Variants in MYLK observed in about 807,000 individuals in gnomAD.
MYLK encodes myosin light chain kinase, smooth muscle.
In MYLK, 106 loss-of-function variants were observed where a neutral mutation model predicts 203.4. The observed-to-expected ratio is 0.52, with a 90% CI of 0.45 to 0.61. The LOEUF is 0.61. MYLK is among the 20% of genes least tolerant of loss of function. The pLI, the probability that MYLK is intolerant of heterozygous loss-of-function variation, is 0.00. For missense variants in MYLK, 2,072 were observed against 2,442.3 expected (o/e 0.85, Z 3.20); for synonymous variants, 867 against 959.5 (o/e 0.90, Z 1.78).
At chr3:123,620,484 G>A (rs1425758590) in intron 31 of MYLK, 148 bp from the exon 32 acceptor site, 9 of 1,558,498 alleles carry the variant, frequency 5.8e-6, no homozygotes, top group Non-Finnish European at 6.1e-6. Context: ...TCTGCCAGAG[G>A]AGCGAACCCA....
chr3:123,754,103 C>G (rs1230358038), intron 4 of MYLK, among the ~76,000 whole-genome samples: 2 of 152,200 alleles, frequency 1.3e-5, no homozygotes, highest in East Asian at 1.9e-4. Context: ...CTAAAAAGCG[C>G]CGGTCGTTGT....
chr3:123,873,333 A>G (rs924249910), intron 2 of MYLK, among the ~76,000 whole-genome samples: 2 of 152,130 alleles, frequency 1.3e-5, no homozygotes, highest in East Asian at 3.9e-4. Context: ...CCTATGACTA[A>G]TATCATACAA....
intron 4 of MYLK, among the ~76,000 whole-genome samples, chr3:123,762,032 A>T (rs1471854611): frequency 6.6e-6 from 1 of 152,024 alleles, no homozygotes; most frequent in African/African-American, 2.4e-5. Context: ...CGCCTCAAAA[A>T]ATATATATAT....
At chr3:123,734,891 C>T in intron 9 of MYLK, 1 of 194,198 alleles carries the variant, frequency 5.1e-6, no homozygotes, top group Non-Finnish European at 1.1e-5. Context: ...AATGGCTTCC[C>T]TGCCCCTCTA....
chr3:123,833,559 T>C (rs978534681), intron 2 of MYLK, among the ~76,000 whole-genome samples: 2 of 152,124 alleles, frequency 1.3e-5, no homozygotes, highest in African/African-American at 4.8e-5. Context: ...GGGTGCTCTG[T>C]CATTTCCATT....
At chr3:123,721,005 A>C (rs969286555) in intron 13 of MYLK, among the ~76,000 whole-genome samples, 4 of 152,216 alleles carry the variant, frequency 2.6e-5, no homozygotes, top group African/African-American at 9.6e-5. Flanking sequence ...GCGCTTAGGC[A>C]AGTTACATTC....
rs976553681 is a variant in MYLK at position 123,650,539 on chromosome 3, T to A, written c.4289-1345A>T. Among the ~76,000 whole-genome samples the A allele has an allele frequency of 2.2e-4, 33 of 152,118 alleles. 1 individual carries two copies. Among genetic ancestry groups the A allele is most frequent in the South Asian group, 1.0e-3 (5 of 4,822 alleles). Reference sequence around the variant, plus strand: ...TGCTGCTGACAAAGCTTAGTTTTTTTAAAAAAAGACTAAAACTAAACATGA... The same window carrying A: ...TGCTGCTGACAAAGCTTAGTTTTTTAAAAAAAAGACTAAAACTAAACATGA... On this transcript the variant is annotated intron_variant, in intron 24 of 33. Transcript: ENST00000360304.
chr3:123,685,400 G>C (rs820370), intron 19 of MYLK, among the ~76,000 whole-genome samples: 131,627 of 152,074 alleles, frequency 0.87, 59,812 homozygotes, highest in Non-Finnish European at 1. Context: ...CAAGACCAGC[G>C]TGGGCAACAT....
intron 4 of MYLK, among the ~76,000 whole-genome samples, chr3:123,769,129 C>G (rs996769986): frequency 4.6e-5 from 7 of 151,752 alleles, no homozygotes; most frequent in African/African-American, 1.7e-4. Context: ...CATCACCTTC[C>G]ACATTTCTCT....
intron 21 of MYLK, among the ~76,000 whole-genome samples, chr3:123,666,725 A>C (rs1403595717): frequency 6.6e-6 from 1 of 152,212 alleles, no homozygotes; most frequent in African/African-American, 2.4e-5. Flanking sequence ...CAAGTCCTCA[A>C]GTGTCATCCA....
At chr3:123,791,552 C>T (rs1025214329) in intron 4 of MYLK, among the ~76,000 whole-genome samples, 9 of 152,204 alleles carry the variant, frequency 5.9e-5, no homozygotes, top group East Asian at 3.8e-4. Context: ...TGGATGCTTT[C>T]GACGTCTCTC....
At chr3:123,852,058 C>T (rs1334847049) in intron 2 of MYLK, among the ~76,000 whole-genome samples, 12 of 152,184 alleles carry the variant, frequency 7.9e-5, no homozygotes, top group East Asian at 1.9e-4. Flanking sequence ...TATTGATTTG[C>T]GTATGTTGAA....
chr3:123,854,726 C>T (rs774353910), intron 2 of MYLK, among the ~76,000 whole-genome samples: 12 of 152,078 alleles, frequency 7.9e-5, no homozygotes, highest in Non-Finnish European at 1.0e-4. Context: ...GTAATTTGCA[C>T]GTGTACCCAC....
At chr3:123,742,759 T>C (rs1013039366) in intron 5 of MYLK, among the ~76,000 whole-genome samples, 1 of 152,218 alleles carries the variant, frequency 6.6e-6, no homozygotes, top group Non-Finnish European at 1.5e-5. Flanking sequence ...GAAAATGTGG[T>C]GCATCCATAC....
intron 29 of MYLK, among the ~76,000 whole-genome samples, chr3:123,637,381 A>T (rs1006705755): frequency 6.6e-6 from 1 of 152,102 alleles, no homozygotes; most frequent in Non-Finnish European, 1.5e-5. Flanking sequence ...CCTGAACAAA[A>T]ACCCTGCAAT....
chr3:123,685,612 G>GA (rs59215456), intron 19 of MYLK, among the ~76,000 whole-genome samples: 27 of 112,404 alleles, frequency 2.4e-4, no homozygotes, highest in African/African-American at 8.7e-4. Context: ...TCCAAAAAAT[G>GA]AAAAAAAAAA....
intron 2 of MYLK, among the ~76,000 whole-genome samples, chr3:123,856,724 A>G (rs2031408291): frequency 6.6e-6 from 1 of 152,146 alleles, no homozygotes; most frequent in Admixed American, 6.5e-5. Flanking sequence ...CCCAAACCCA[A>G]ATTGTTTCCA....
chr3:123,626,991 G>C, intron 30 of MYLK, 50 bp from the exon 31 acceptor site: 1 of 1,611,712 alleles, frequency 6.2e-7, no homozygotes, highest in Non-Finnish European at 8.5e-7. Context: ...AGACCTCAGA[G>C]ACCACTGGTT....
Position 123,709,209 on chromosome 3 carries a change from C to T in MYLK, c.1943-314G>A, listed in dbSNP as rs554710501. On this transcript the variant is annotated intron_variant, in intron 14 of 33. Coordinates refer to ENST00000360304, the MANE Select transcript of MYLK (RefSeq NM_053025.4). ...AGGCTGCAGTGCAGTGGTGCGATCTCGGCTCACTGCAAGCTCCACCTCCCA... is the reference window on the plus strand; with the variant it reads ...AGGCTGCAGTGCAGTGGTGCGATCTTGGCTCACTGCAAGCTCCACCTCCCA... 4.2e-5 allele frequency: 9 copies of T among 216,484 alleles called. 1 individual carries two copies. Among genetic ancestry groups the T allele is most frequent in the South Asian group, 3.0e-4 (4 of 13,432 alleles). The allele number at this position is 216,484 out of a possible 1,614,324, so 13.4% of individuals were successfully genotyped here. A position where few individuals can be genotyped will look rare whatever the true frequency, so the allele number is the denominator to read the frequency against.
Sources: allele counts gnomAD v4.1 joint callset (sites outside exome capture counted in the v4.1 genomes callset), GRCh38; gene constraint gnomAD v4.1.1; transcripts MANE v1.5; gene names NCBI Gene and HGNC (gene_info 2026-07-23, HGNC 2026-07-21).